Variants in SGCZ observed in about 807,000 individuals in gnomAD.
The protein encoded by SGCZ is zeta-sarcoglycan.
In SGCZ, 40 loss-of-function variants were observed where a neutral mutation model predicts 41.3. The ratio of observed to expected loss-of-function variants is 0.97; its 90% CI spans 0.75 to 1.26. The LOEUF is 1.26. Among genes scored for constraint, SGCZ ranks in the 50% most tolerant of loss-of-function variants. The pLI, the probability that SGCZ is intolerant of heterozygous loss-of-function variation, is 0.00. For missense variants in SGCZ, 552 were observed against 369.8 expected (o/e 1.49, Z -4.04); for synonymous variants, 206 against 137.5 (o/e 1.50, Z -3.49).
At chr8:14,627,262 T>C (rs553961487) in intron 1 of SGCZ, among the ~76,000 whole-genome samples, 13 of 152,278 alleles carry the variant, frequency 8.5e-5, no homozygotes, top group African/African-American at 2.9e-4. Context: ...ACGTAGTACA[T>C]CTTCTGTGGG....
Position 14,275,725 on chromosome 8 carries a change from C to T in SGCZ, c.337-38046G>A, listed in dbSNP as rs543038448. Among the ~76,000 whole-genome samples the T allele has an allele frequency of 1.6e-4, 24 of 152,270 alleles. No individual in the cohort carries two copies. In the South Asian group the frequency reaches 4.8e-3, roughly 30 times the overall value. On this transcript the variant is annotated intron_variant, in intron 3 of 7. Transcript: ENST00000382080. ...ATTCAGTGAAGACAACAGCCAACTG[C>T]TGGAGATCCCTACCGTGCAGGATCT...
At chr8:14,323,640 C>T (rs1016540749) in intron 3 of SGCZ, among the ~76,000 whole-genome samples, 1 of 152,116 alleles carries the variant, frequency 6.6e-6, no homozygotes, top group Non-Finnish European at 1.5e-5. Flanking sequence ...GCTTGTTTTA[C>T]ATCACGTACA....
chr8:15,112,957 A>G (rs972648725), intron 1 of SGCZ, among the ~76,000 whole-genome samples: 95 of 152,260 alleles, frequency 6.2e-4, no homozygotes, highest in African/African-American at 2.2e-3. Flanking sequence ...AGCAGGGCAC[A>G]GTACACTTTC....
chr8:14,382,963 A>C (rs1343859803), intron 2 of SGCZ, among the ~76,000 whole-genome samples: 1 of 152,090 alleles, frequency 6.6e-6, no homozygotes, highest in African/African-American at 2.4e-5. Context: ...CTCCCGCAAA[A>C]AGCTGCTCTG....
intron 1 of SGCZ, among the ~76,000 whole-genome samples, chr8:15,133,549 TC>T (rs1807994444): frequency 6.6e-6 from 1 of 152,248 alleles, no homozygotes; most frequent in Non-Finnish European, 1.5e-5. Context: ...ACTCTTTCAG[TC>T]AGTCTTTTCT....
At chr8:15,164,984 G>C in intron 1 of SGCZ, among the ~76,000 whole-genome samples, 1 of 152,116 alleles carries the variant, frequency 6.6e-6, no homozygotes, top group East Asian at 1.9e-4. Flanking sequence ...TGTACTGTGT[G>C]ATGTGTGTCA....
intron 2 of SGCZ, among the ~76,000 whole-genome samples, chr8:14,410,219 C>A (rs1006466489): frequency 6.6e-6 from 1 of 152,042 alleles, no homozygotes; most frequent in Non-Finnish European, 1.5e-5. Context: ...AACCATTTCC[C>A]TCCTCCCTTT....
At chr8:14,498,702 G>T (rs538008492) in intron 2 of SGCZ, among the ~76,000 whole-genome samples, 1 of 151,940 alleles carries the variant, frequency 6.6e-6, no homozygotes, top group African/African-American at 2.4e-5. Context: ...GATTAAAATT[G>T]AATATGTTAT....
intron 2 of SGCZ, among the ~76,000 whole-genome samples, chr8:14,383,186 A>G (rs958540729): frequency 1.3e-5 from 2 of 152,246 alleles, no homozygotes; most frequent in African/African-American, 2.4e-5. Flanking sequence ...TTCCTGTTCT[A>G]TATGAACCAT....
intron 4 of SGCZ, among the ~76,000 whole-genome samples, chr8:14,235,119 A>C (rs891201584): frequency 1.3e-5 from 2 of 152,234 alleles, no homozygotes. Flanking sequence ...TCCCCATTTT[A>C]GAGATGAGAA....
At chr8:14,235,935 G>A (rs992129032) in intron 4 of SGCZ, among the ~76,000 whole-genome samples, 2 of 152,092 alleles carry the variant, frequency 1.3e-5, no homozygotes, top group African/African-American at 4.8e-5. Context: ...CGCCCGCCTT[G>A]GCCTCCCAAA....
chr8:14,151,434 C>A, intron 5 of SGCZ, among the ~76,000 whole-genome samples: 1 of 147,208 alleles, frequency 6.8e-6, no homozygotes. Flanking sequence ...CTGAAAGATA[C>A]CAAAAAAAAA....
intron 2 of SGCZ, among the ~76,000 whole-genome samples, chr8:14,365,498 T>C (rs1050471159): frequency 6.6e-6 from 1 of 152,142 alleles, no homozygotes; most frequent in African/African-American, 2.4e-5. Flanking sequence ...ATTTCCATGA[T>C]GCAAACTTTT....
At chr8:14,647,565 T>C (rs1335844792) in intron 1 of SGCZ, among the ~76,000 whole-genome samples, 1 of 152,056 alleles carries the variant, frequency 6.6e-6, no homozygotes, top group African/African-American at 2.4e-5. Flanking sequence ...GCCTTCTTCA[T>C]GTGTTTTAGA....
At chr8:15,177,685 T>A (rs182898790) in intron 1 of SGCZ, among the ~76,000 whole-genome samples, 1 of 152,282 alleles carries the variant, frequency 6.6e-6, no homozygotes, top group East Asian at 1.9e-4. Flanking sequence ...TCTGTAGTGA[T>A]CTAAATTTAA....
At chr8:15,041,136 T>G (rs1804079479) in intron 1 of SGCZ, among the ~76,000 whole-genome samples, 1 of 151,820 alleles carries the variant, frequency 6.6e-6, no homozygotes, top group Non-Finnish European at 1.5e-5. Context: ...TTAAACCTTA[T>G]AAATAATAGT....
intron 1 of SGCZ, among the ~76,000 whole-genome samples, chr8:14,895,695 G>A (rs1805170688): frequency 6.6e-6 from 1 of 152,138 alleles, no homozygotes; most frequent in Non-Finnish European, 1.5e-5. Context: ...ATTACTGTGT[G>A]CCAGGAACTT....
At chr8:14,305,640 C>G (rs951509513) in intron 3 of SGCZ, among the ~76,000 whole-genome samples, 2 of 152,078 alleles carry the variant, frequency 1.3e-5, no homozygotes, top group African/African-American at 4.8e-5. Flanking sequence ...TAAAGAAAAG[C>G]TATAAAACTA....
rs774826082 is a variant in SGCZ, at chr8:15,095,969, C to A, written c.39+141616G>T. On this transcript the variant is annotated intron_variant, in intron 1 of 7. Coordinates refer to ENST00000382080, the MANE Select transcript of SGCZ (RefSeq NM_139167.4). ...ATTTCAAATTGATGAACCCAGTTCA[C>A]GAAAATGAGCAGTTCTGTGTTTTGA... 5.9e-5 allele frequency among the ~76,000 whole-genome samples: 9 copies of A among 152,134 alleles called. No homozygotes were observed. The East Asian group carries it at 1.7e-3, about 29-fold the overall frequency.
Sources: allele counts gnomAD v4.1 joint callset (sites outside exome capture counted in the v4.1 genomes callset), GRCh38; gene constraint gnomAD v4.1.1; transcripts MANE v1.5; gene names NCBI Gene and HGNC (gene_info 2026-07-23, HGNC 2026-07-21).